SLC1A7: variants seen among roughly 807,000 people sequenced by gnomAD.
SLC1A7 encodes excitatory amino acid transporter 5.
SLC1A7 carries 40 observed loss-of-function variants against 47.7 expected under a neutral mutation model. The ratio of observed to expected loss-of-function variants is 0.84; its 90% confidence interval spans 0.65 to 1.09. The LOEUF (loss-of-function observed/expected upper bound fraction) is 1.09. Ranked by LOEUF, SLC1A7 falls within the 50% of genes least tolerant of loss-of-function variation. The probability of loss-of-function intolerance (pLI) is 0.00; values close to 1 mark genes in which losing one functional copy is unlikely to be tolerated. For synonymous variants in SLC1A7, 323 were observed against 325.6 expected, an observed-to-expected ratio of 0.99 and a Z score of 0.09; for missense variants, 746 against 769.5, an observed-to-expected ratio of 0.97 and a Z score of 0.36.
intron 5 of SLC1A7, 33 bp from the exon 6 acceptor site, chr1:53,093,593 CAGGGA>C: frequency 6.5e-7 from 1 of 1,536,406 alleles, no homozygotes; most frequent in Non-Finnish European, 8.8e-7. Flanking sequence ...TGTGGTAAAG[CAGGGA>C]CAGACCCACA....
intron 1 of SLC1A7, among the ~76,000 whole-genome samples, 157 bp from the exon 2 acceptor site, chr1:53,134,586 C>G (rs1293904797): frequency 6.6e-6 from 1 of 152,220 alleles, no homozygotes; most frequent in Admixed American, 6.5e-5. Context: ...AGCCACAGAA[C>G]TGGGTTCCAA....
chr1:53,103,177 T>A, intron 5 of SLC1A7, 169 bp downstream of exon 5: 1 of 533,424 alleles, frequency 1.9e-6, no homozygotes, highest in South Asian at 2.9e-5. Context: ...TGGGGTGGGG[T>A]GGGGAGGCGA....
Position 53,087,960 on chromosome 1 carries a change from T to G in SLC1A7, c.*49A>C. 1 of 1,234,312 alleles carries G rather than the reference T, an allele frequency of 8.1e-7. No individual in the cohort carries two copies. The highest frequency in any genetic ancestry group is 1.5e-5 in the African/African-American group (1 of 66,602). 76.5% of individuals were successfully genotyped at this position (1,234,312 alleles called of 1,614,324 possible). On this transcript the variant is annotated 3_prime_UTR_variant, in exon 11 of 11. Coordinates refer to ENST00000371494, the MANE Select transcript of SLC1A7 (RefSeq NM_006671.6). ...AGGGTTGGAGAGTCGAGTTCCTGCC[T>G]CAGGACCCTGCCCCTGGAGGCCTCG...
chr1:53,090,449 C>A, intron 8 of SLC1A7, 163 bp downstream of exon 8: 2 of 1,164,526 alleles, frequency 1.7e-6, no homozygotes, highest in Non-Finnish European at 2.3e-6. Flanking sequence ...GCCCTCCCTC[C>A]CGGGCTGTCC....
chr1:53,114,928 G>T lies in SLC1A7; in HGVS notation c.261C>A (p.Arg87=), dbSNP rs141621931. 3.0e-5 allele frequency: 48 copies of T among 1,614,152 alleles called. No homozygotes were observed. The Middle Eastern group carries it at 5.0e-4, about 17-fold the overall frequency. ...LASLDAKTSS[R]LGVLTVAYYL... is the part of the protein sequence containing the mutation. ...AGTACGCCACGGTGAGGACGCCCAG[G>T]CGGCTAGAGGTCTTGGCATCCAGGG... Residue 87 remains arginine (R), a synonymous_variant, in exon 3 of 11, where the codon CGC becomes CGA. Coordinates refer to ENST00000371494, the MANE Select transcript of SLC1A7 (RefSeq NM_006671.6).
intron 1 of SLC1A7, among the ~76,000 whole-genome samples, chr1:53,135,517 G>A (rs992951054): frequency 1.3e-5 from 2 of 152,180 alleles, no homozygotes; most frequent in Non-Finnish European, 2.9e-5. Context: ...TTCCTAGGCC[G>A]CTGGCTCCAG....
At position 53,123,705 on chromosome 1, in the gene SLC1A7, G is replaced by A. The variant is rs959820775; in HGVS notation, c.216-8732C>T. Among the ~76,000 whole-genome samples, 6 of 152,264 alleles carry A rather than the reference G, an allele frequency of 3.9e-5. No individual in the cohort carries two copies. In the East Asian group the frequency reaches 7.7e-4, roughly 20 times the overall value. Reference sequence around the variant, plus strand: ...GTAGGAATTCTCTAACTGGAAGGGAGCGAGAGCATGGAAGTCTGTGGTGCA... The same window carrying A: ...GTAGGAATTCTCTAACTGGAAGGGAACGAGAGCATGGAAGTCTGTGGTGCA... On this transcript the variant is annotated intron_variant, in intron 2 of 10. Transcript: ENST00000371494.
intron 2 of SLC1A7, among the ~76,000 whole-genome samples, chr1:53,133,406 C>G (rs906448850): frequency 6.6e-6 from 1 of 152,172 alleles, no homozygotes; most frequent in Non-Finnish European, 1.5e-5. Context: ...AAATACAAAG[C>G]GCCCTTGGCC....
chr1:53,124,157 T>C (rs933650968), intron 2 of SLC1A7, among the ~76,000 whole-genome samples: 1 of 152,210 alleles, frequency 6.6e-6, no homozygotes, highest in Non-Finnish European at 1.5e-5. Flanking sequence ...GAAGGGAGTG[T>C]TGAGTTTCTC....
rs774489382 is a variant in SLC1A7, at chr1:53,089,837, C to T, written c.1324G>A (p.Asp442Asn). Reference protein sequence around the residue: ...IVLTSVGLPTDDITLIIAVDW... With the variant: ...IVLTSVGLPTNDITLIIAVDW... The stretch of plus-strand genomic sequence containing the variant: ...ACGGCAATGATGAGGGTGATGTCAT[C>T]GGTGGGCAGTCCCACGGAGGTGAGC... The change falls in exon 9 of 11, where the codon GAT (aspartate) becomes AAT (asparagine). Residue 442 changes from aspartate (D) to asparagine (N), a missense_variant. Transcript: ENST00000371494. The T allele has an allele frequency of 1.4e-5, 22 of 1,613,868 alleles. No homozygotes were observed. The highest frequency in any genetic ancestry group is 9.3e-5 in the African/African-American group (7 of 74,926).
intron 7 of SLC1A7, among the ~76,000 whole-genome samples, chr1:53,091,340 A>G (rs1031273773): frequency 6.6e-6 from 1 of 152,204 alleles, no homozygotes; most frequent in African/African-American, 2.4e-5. Context: ...TGCTGGGACT[A>G]AAACAGGCCG....
At chr1:53,110,333 C>T (rs1357352021) in intron 3 of SLC1A7, among the ~76,000 whole-genome samples, 8 of 152,152 alleles carry the variant, frequency 5.3e-5, no homozygotes, top group Non-Finnish European at 1.0e-4. Context: ...TGTCCCAGGA[C>T]GCCTGTGTTC....
At chr1:53,089,489 G>T (rs951265355) in intron 9 of SLC1A7, among the ~76,000 whole-genome samples, 4 of 152,148 alleles carry the variant, frequency 2.6e-5, no homozygotes, top group Non-Finnish European at 4.4e-5. Context: ...CCCAGGCTGG[G>T]CTCTGGAATT....
intron 5 of SLC1A7, among the ~76,000 whole-genome samples, chr1:53,093,857 G>T (rs1032056236): frequency 9.2e-5 from 14 of 152,166 alleles, no homozygotes; most frequent in African/African-American, 3.4e-4. Context: ...GCTCCCCGCT[G>T]CCTCACCCAG....
chr1:53,125,779 C>A (rs554008024), intron 2 of SLC1A7, among the ~76,000 whole-genome samples: 24 of 152,316 alleles, frequency 1.6e-4, no homozygotes, highest in African/African-American at 5.5e-4. Context: ...CTGCGTTCCA[C>A]AGGGCCACCC....
At chr1:53,126,031 C>T (rs1333263935) in intron 2 of SLC1A7, among the ~76,000 whole-genome samples, 1 of 152,228 alleles carries the variant, frequency 6.6e-6, no homozygotes, top group East Asian at 1.9e-4. Flanking sequence ...TCTTAAGTTG[C>T]CCATAGAGTC....
intron 2 of SLC1A7, among the ~76,000 whole-genome samples, chr1:53,129,916 T>C (rs1644925592): frequency 2.0e-5 from 3 of 151,814 alleles, no homozygotes; most frequent in African/African-American, 7.3e-5. Context: ...CACACGACCC[T>C]GCCCACGGAG....
At chr1:53,118,243 T>G (rs1644783220) in intron 2 of SLC1A7, among the ~76,000 whole-genome samples, 1 of 152,254 alleles carries the variant, frequency 6.6e-6, no homozygotes, top group South Asian at 2.1e-4. Context: ...TCTGAGAACT[T>G]GCAGCTGGTG....
intron 10 of SLC1A7, 130 bp from the exon 11 acceptor site, chr1:53,088,357 C>T: frequency 1.4e-6 from 1 of 738,228 alleles, no homozygotes; most frequent in Non-Finnish European, 2.1e-6. Flanking sequence ...TGCAGACACG[C>T]TGTGTGACCT....
Sources: allele counts gnomAD v4.1 joint callset (sites outside exome capture counted in the v4.1 genomes callset), GRCh38; gene constraint gnomAD v4.1.1; transcripts MANE v1.5; gene names NCBI Gene and HGNC (gene_info 2026-07-23, HGNC 2026-07-21).